The following DDX10 variants were observed in gnomAD, a reference collection of about 807,000 sequenced individuals.
The protein encoded by DDX10 is probable ATP-dependent RNA helicase DDX10.
A neutral mutation model predicts 104.3 loss-of-function variants in DDX10; 74 were observed. That is an observed-to-expected ratio of 0.71 (90% CI 0.59 to 0.86). DDX10 has a LOEUF of 0.86. DDX10 is among the 40% of genes least tolerant of loss of function. DDX10 has a pLI of 0.00. For missense variants in DDX10, 952 were observed against 1,040.0 expected, an observed-to-expected ratio of 0.92 and a Z score of 1.16; for synonymous variants, 351 against 353.4, an observed-to-expected ratio of 0.99 and a Z score of 0.08.
chr11:108,822,426 GTTC>G (rs529771307), intron 13 of DDX10: 13 of 391,580 alleles, frequency 3.3e-5, no homozygotes, highest in Non-Finnish European at 6.6e-5. Context: ...TTCCAGGGAT[GTTC>G]TTCTTGGGAG....
intron 13 of DDX10, among the ~76,000 whole-genome samples, chr11:108,728,970 C>T (rs1327278980): frequency 6.6e-6 from 1 of 152,130 alleles, no homozygotes; most frequent in Non-Finnish European, 1.5e-5. Context: ...AGGTTAATAT[C>T]CTTTTTTTGA....
At chr11:108,672,346 A>G (rs1158605061) in intron 1 of DDX10, among the ~76,000 whole-genome samples, 1 of 152,156 alleles carries the variant, frequency 6.6e-6, no homozygotes, top group African/African-American at 2.4e-5. Context: ...CACGAGTGCT[A>G]GAGTGAGCTA....
intron 16 of DDX10, among the ~76,000 whole-genome samples, chr11:108,854,647 G>C (rs773788719): frequency 1.3e-5 from 2 of 152,132 alleles, no homozygotes; most frequent in Non-Finnish European, 2.9e-5. Context: ...GAGGACTCAC[G>C]TAGCTGTCTT....
At chr11:108,899,681 T>C (rs1033721074) in intron 16 of DDX10, among the ~76,000 whole-genome samples, 1 of 152,140 alleles carries the variant, frequency 6.6e-6, no homozygotes, top group Non-Finnish European at 1.5e-5. Context: ...CCCCACCACA[T>C]CTCATATTGA....
At chr11:108,689,531 T>C (rs2094249180) in intron 7 of DDX10, among the ~76,000 whole-genome samples, 1 of 152,252 alleles carries the variant, frequency 6.6e-6, no homozygotes, top group Admixed American at 6.5e-5. Context: ...AAAGTCCCTT[T>C]CTGACACTCC....
intron 17 of DDX10, chr11:108,929,700 A>G (rs1863952330): frequency 1.3e-5 from 2 of 152,206 alleles, no homozygotes. Flanking sequence ...CTAAATGAGG[A>G]TGGGAAAGGT....
chr11:108,813,948 T>C (rs1862221321), intron 13 of DDX10, among the ~76,000 whole-genome samples: 1 of 152,216 alleles, frequency 6.6e-6, no homozygotes, highest in Non-Finnish European at 1.5e-5. Context: ...ATTAGAGTGT[T>C]ACTTATTATT....
At chr11:108,686,330 T>C (rs187220420) in intron 6 of DDX10, among the ~76,000 whole-genome samples, 26 of 152,182 alleles carry the variant, frequency 1.7e-4, no homozygotes, top group African/African-American at 5.8e-4. Context: ...TATGATAACA[T>C]ATGTCTACTG....
intron 9 of DDX10, among the ~76,000 whole-genome samples, chr11:108,703,674 C>G (rs570924032): frequency 7.1e-4 from 108 of 152,228 alleles, no homozygotes; most frequent in African/African-American, 2.6e-3. Flanking sequence ...TATGTTTAGC[C>G]TTGGGCCTTG....
intron 13 of DDX10, among the ~76,000 whole-genome samples, chr11:108,725,969 A>C (rs1414460541): frequency 6.6e-6 from 1 of 152,016 alleles, no homozygotes; most frequent in African/African-American, 2.4e-5. Context: ...ATGCTAAGTA[A>C]GGGTCAAGGT....
intron 16 of DDX10, among the ~76,000 whole-genome samples, chr11:108,910,037 T>G (rs1024004323): frequency 6.6e-6 from 1 of 151,544 alleles, no homozygotes; most frequent in Non-Finnish European, 1.5e-5. Context: ...GAAAGAATAC[T>G]TGCAGGAAGA....
At chr11:108,867,278 G>C (rs984823231) in intron 16 of DDX10, among the ~76,000 whole-genome samples, 1 of 152,156 alleles carries the variant, frequency 6.6e-6, no homozygotes, top group South Asian at 2.1e-4. Context: ...CTGAAGAGTT[G>C]AGAGAAGTAG....
chr11:108,721,940 CAGT>C (rs1402557258), intron 12 of DDX10, among the ~76,000 whole-genome samples: 1 of 152,154 alleles, frequency 6.6e-6, no homozygotes. Context: ...CTAACCCTAA[CAGT>C]GGTGATGGTG....
intron 13 of DDX10, among the ~76,000 whole-genome samples, chr11:108,831,261 A>G (rs1488588898): frequency 6.6e-6 from 1 of 151,820 alleles, no homozygotes; most frequent in Non-Finnish European, 1.5e-5. Context: ...AAAATTAGCC[A>G]GGCGTGGTGG....
chr11:108,755,585 G>T (rs2094343482), intron 13 of DDX10, among the ~76,000 whole-genome samples: 1 of 151,966 alleles, frequency 6.6e-6, no homozygotes, highest in Non-Finnish European at 1.5e-5. Context: ...GAAAAATTGT[G>T]TACCTCTGAG....
intron 1 of DDX10, among the ~76,000 whole-genome samples, chr11:108,667,023 T>A (rs2094211019): frequency 6.6e-6 from 1 of 152,218 alleles, no homozygotes; most frequent in Non-Finnish European, 1.5e-5. Flanking sequence ...CTGTTCTGCT[T>A]ACATTTTTCA....
intron 15 of DDX10, among the ~76,000 whole-genome samples, chr11:108,842,622 A>G (rs144003545): frequency 1.3e-5 from 2 of 152,358 alleles, no homozygotes; most frequent in Non-Finnish European, 2.9e-5. Context: ...TTCCAAAAAT[A>G]TGGAGAACAG....
intron 11 of DDX10, among the ~76,000 whole-genome samples, chr11:108,718,435 A>T (rs1054116059): frequency 3.3e-5 from 5 of 152,126 alleles, no homozygotes; most frequent in African/African-American, 1.2e-4. Flanking sequence ...TTTTTTTTCT[A>T]GCAAACATCC....
In DDX10 at chr11:108,937,706, C is replaced by T. The variant is rs557228998; in HGVS notation, c.2451-2540C>T. Among the ~76,000 whole-genome samples, 94 of 152,278 alleles carry T rather than the reference C, an allele frequency of 6.2e-4. 1 individual carries two copies. The highest frequency in any genetic ancestry group is 2.2e-3 in the African/African-American group (93 of 41,572). ...TGTATGATATGTCCTTTAAATGGCA[C>T]ACCAGACATTACTAATAAAGTCTTT... On this transcript the variant is annotated intron_variant, in intron 17 of 17. Transcript: ENST00000322536.
Sources: gnomAD v4.1 joint callset for allele counts (sites outside exome capture counted in the v4.1 genomes callset) on GRCh38, gnomAD v4.1.1 for gene constraint, MANE v1.5 for transcripts, NCBI Gene and HGNC (gene_info 2026-07-23, HGNC 2026-07-21) for gene names.